The following GCNT1 variants were observed in gnomAD, a reference collection of about 807,000 sequenced individuals.
GCNT1 encodes glucosaminyl (N-acetyl) transferase 1, also known as beta-1,3-galactosyl-O-glycosyl-glycoprotein beta-1,6-N-acetylglucosaminyltransferase.
Under a neutral mutation model 26.2 loss-of-function variants are expected in GCNT1, and 16 were observed. That is an observed-to-expected ratio of 0.61 (90% CI 0.41 to 0.93). GCNT1 has a LOEUF of 0.93. GCNT1 is among the 40% of genes least tolerant of loss of function. The probability of loss-of-function intolerance (pLI) is 0.00; values close to 1 mark genes in which losing one functional copy is unlikely to be tolerated. For missense variants in GCNT1, 477 were observed against 526.7 expected, an observed-to-expected ratio of 0.91 and a Z score of 0.92; for synonymous variants, 183 against 190.8, an observed-to-expected ratio of 0.96 and a Z score of 0.34.
chr9:76,398,805 A>G, the GCNT1 span: 2 of 1,334,188 alleles, frequency 1.5e-6, no homozygotes, highest in Non-Finnish European at 2.1e-6. Flanking sequence ...CAGATGGAAC[A>G]GTACATCTGT....
At chr9:76,461,489 C>T (rs1013560654) in intron 2 of GCNT1, among the ~76,000 whole-genome samples, 3 of 151,204 alleles carry the variant, frequency 2.0e-5, no homozygotes, top group East Asian at 1.9e-4. Context: ...GAGGCTGAGA[C>T]GGAGAATTGC....
In GCNT1 at chr9:76,424,967, G is replaced by A. The variant is rs1823241392; in HGVS notation, n.38+5080G>A. Reference sequence around the variant, plus strand: ...ATCCTGGCTAACACAGTGAAACCCCGTTTCTACTAAAAATACAAAAAATTA... The same window carrying A: ...ATCCTGGCTAACACAGTGAAACCCCATTTCTACTAAAAATACAAAAAATTA... On this transcript the variant is annotated intron_variant and non_coding_transcript_variant, in intron 1 of 3. Coordinates refer to the GCNT1 transcript ENST00000488136. Among the ~76,000 whole-genome samples, 4 of 151,760 alleles carry A rather than the reference G, an allele frequency of 2.6e-5. 1 individual carries two copies. In the South Asian group the frequency reaches 6.2e-4, roughly 24 times the overall value.
chr9:76,492,833 T>A (rs1085341), intron 2 of GCNT1, among the ~76,000 whole-genome samples: 3 of 151,558 alleles, frequency 2.0e-5, no homozygotes, highest in Non-Finnish European at 2.9e-5. Flanking sequence ...ACTAAGGCTG[T>A]GGCCTTTCTC....
At chr9:76,422,531 T>A (rs1466431549) in intron 1 of GCNT1, among the ~76,000 whole-genome samples, 3 of 152,100 alleles carry the variant, frequency 2.0e-5, no homozygotes, top group Non-Finnish European at 4.4e-5. Context: ...CATTCTGGTG[T>A]TTTTTGTTTT....
At chr9:76,394,211 C>A in the GCNT1 span, 1 of 1,549,496 alleles carries the variant, frequency 6.5e-7, no homozygotes, top group Non-Finnish European at 8.7e-7. Flanking sequence ...GCCCGGTCTG[C>A]GCGTCCTGCG....
chr9:76,394,401 G>A, the GCNT1 span: 1 of 470,882 alleles, frequency 2.1e-6, no homozygotes, highest in Non-Finnish European at 3.7e-6. Context: ...CTCCGCTGGA[G>A]GGCAGCGGAG....
chr9:76,443,301 AG>A (rs1823509496), intron 1 of GCNT1, among the ~76,000 whole-genome samples: 1 of 152,246 alleles, frequency 6.6e-6, no homozygotes, highest in South Asian at 2.1e-4. Context: ...GGGGTCTCAC[AG>A]CCTTCAGAGC....
the GCNT1 span, among the ~76,000 whole-genome samples, chr9:76,406,759 G>T: frequency 6.6e-6 from 1 of 151,830 alleles, no homozygotes; most frequent in Non-Finnish European, 1.5e-5. Context: ...TAAGAGTTCT[G>T]GCCAGGCACA....
In GCNT1 at chr9:76,428,292, T is replaced by TAAAAAAAAAAAAAA. The variant is rs1279001629; in HGVS notation, n.38+8416_38+8417insAAAAAAAAAAAAAA. 4.0e-3 allele frequency among the ~76,000 whole-genome samples: 346 copies of TAAAAAAAAAAAAAA among 85,832 alleles called. 27 individuals carry two copies. Among genetic ancestry groups the TAAAAAAAAAAAAAA allele is most frequent in the Middle Eastern group, 0.015 (2 of 130 alleles). 56.3% of individuals were successfully genotyped at this position (85,832 alleles called of 152,430 possible). A position where few individuals can be genotyped will look rare whatever the true frequency, so the allele number is the denominator to read the frequency against. On this transcript the variant is annotated intron_variant and non_coding_transcript_variant, in intron 1 of 3. Transcript: ENST00000488136. ...AAAAAAAAAAAAAAAAAAAAAAACT[T>TAAAAAAAAAAAAAA]AAAAAAAAAAAGAGAGAGAGAAATG... is the stretch of plus-strand genomic sequence containing the variant.
At chr9:76,457,186 T>C (rs970701100), upstream of GCNT1, among the ~76,000 whole-genome samples, 1 of 152,206 alleles carries the variant, frequency 6.6e-6, no homozygotes, top group Non-Finnish European at 1.5e-5. Flanking sequence ...CTCGGCTTCC[T>C]AAAGTGTTGG....
At chr9:76,395,280 A>AT in the GCNT1 span, among the ~76,000 whole-genome samples, 2 of 152,102 alleles carry the variant, frequency 1.3e-5, no homozygotes, top group South Asian at 2.1e-4. Context: ...TTTTTTATTT[A>AT]TTTTTTTAAA....
upstream of GCNT1, among the ~76,000 whole-genome samples, chr9:76,416,598 G>A (rs565088558): frequency 6.6e-6 from 1 of 152,200 alleles, no homozygotes; most frequent in African/African-American, 2.4e-5. Flanking sequence ...GGGTTTGAGT[G>A]GGGGGCTGAG....
intron 1 of GCNT1, among the ~76,000 whole-genome samples, chr9:76,448,963 T>C (rs1823620483): frequency 6.6e-6 from 1 of 152,216 alleles, no homozygotes; most frequent in Admixed American, 6.5e-5. Context: ...AATTTACTAT[T>C]ATTTGTTCAT....
intron 2 of GCNT1, among the ~76,000 whole-genome samples, chr9:76,464,092 G>A (rs1823944175): frequency 6.6e-6 from 1 of 150,906 alleles, no homozygotes. Flanking sequence ...AGGATTAGTA[G>A]GAGTTAGTGA....
upstream of GCNT1, among the ~76,000 whole-genome samples, chr9:76,415,430 G>T (rs1184856869): frequency 1.3e-5 from 2 of 152,196 alleles, no homozygotes; most frequent in African/African-American, 2.4e-5. Context: ...AGGATGGCTA[G>T]TGGAAGCTGG....
At chr9:76,439,758 G>T (rs1823457724), upstream of GCNT1, among the ~76,000 whole-genome samples, 1 of 152,112 alleles carries the variant, frequency 6.6e-6, no homozygotes, top group African/African-American at 2.4e-5. Flanking sequence ...ATTTTAGAAG[G>T]AAGCTAGAAG....
the GCNT1 span, among the ~76,000 whole-genome samples, chr9:76,402,840 C>G: frequency 6.6e-6 from 1 of 152,030 alleles, no homozygotes; most frequent in Admixed American, 6.6e-5. Context: ...CCACCACGCC[C>G]GGCTGATTTT....
chr9:76,504,627 T>C lies in GCNT1; in HGVS notation c.*959T>C. The C allele has an allele frequency of 2.4e-6, 1 of 412,210 alleles. No individual in the cohort carries two copies. The highest frequency in any genetic ancestry group is 4.4e-6 in the Non-Finnish European group (1 of 225,884). 25.5% of individuals were successfully genotyped at this position (412,210 alleles called of 1,614,324 possible). A position where few individuals can be genotyped will look rare whatever the true frequency, so the allele number is the denominator to read the frequency against. ...AGAAAAGGAATGTATTTAAACAATT[T>C]CCGATGCCCATGATGAGTTTAAAAA... On this transcript the variant is annotated 3_prime_UTR_variant, in exon 4 of 4. Transcript: ENST00000376730.
chr9:76,500,420 T>C (rs2131642148), intron 2 of GCNT1, among the ~76,000 whole-genome samples: 1 of 152,304 alleles, frequency 6.6e-6, no homozygotes, highest in South Asian at 2.1e-4. Flanking sequence ...TTTTGATATT[T>C]TAGTGGTTGA....
Sources: allele counts gnomAD v4.1 joint callset (sites outside exome capture counted in the v4.1 genomes callset), GRCh38; gene constraint gnomAD v4.1.1; transcripts MANE v1.5; gene names NCBI Gene and HGNC (gene_info 2026-07-23, HGNC 2026-07-21).